Variants in ZMYM2 observed in about 807,000 individuals in gnomAD.
ZMYM2 encodes zinc finger MYM-type containing 2, also known as zinc finger MYM-type protein 2.
In ZMYM2, 56 loss-of-function variants were observed where a neutral mutation model predicts 162.8. The ratio of observed to expected loss-of-function variants is 0.34; its 90% confidence interval spans 0.28 to 0.43. The LOEUF (loss-of-function observed/expected upper bound fraction) is 0.43, where lower values mean the gene tolerates loss of function less well. Among genes scored for constraint, ZMYM2 ranks in the 20% least tolerant of loss-of-function variants. The pLI, the probability that ZMYM2 is intolerant of heterozygous loss-of-function variation, is 1.00. For missense variants in ZMYM2, 1,275 were observed against 1,621.8 expected, an observed-to-expected ratio of 0.79 and a Z score of 3.67; for synonymous variants, 510 against 541.6, an observed-to-expected ratio of 0.94 and a Z score of 0.81.
chr13:19,888,198 GT>G, the ZMYM2 span, among the ~76,000 whole-genome samples: 1 of 150,968 alleles, frequency 6.6e-6, no homozygotes, highest in South Asian at 2.1e-4. Context: ...TTTTGGTTTT[GT>G]TTTTTTTGAG....
At chr13:20,074,541 T>C (rs572676691) in intron 21 of ZMYM2, among the ~76,000 whole-genome samples, 1 of 148,282 alleles carries the variant, frequency 6.7e-6, no homozygotes, top group East Asian at 2.0e-4. Flanking sequence ...CCGGCTTCCT[T>C]CCTTTTTTTT....
intron 9 of ZMYM2, 59 bp downstream of exon 9, chr13:20,027,377 A>C: frequency 7.7e-7 from 1 of 1,306,826 alleles, no homozygotes; most frequent in South Asian, 1.4e-5. Context: ...GAAAATAATC[A>C]GTGTAATATA....
At position 20,027,217 on chromosome 13, in the gene ZMYM2, T is replaced by C; in HGVS notation, c.1750T>C (p.Cys584Arg). 1 of 1,574,582 alleles carries C rather than the reference T, an allele frequency of 6.4e-7. No homozygotes were observed. Among genetic ancestry groups the C allele is most frequent in the Non-Finnish European group, 8.6e-7 (1 of 1,158,332 alleles). Residue 584 changes from cysteine to arginine, a missense_variant, in exon 9 of 25, where the codon TGC becomes CGC. Cys to Arg is a radical substitution (Grantham distance 180). This residue lies in a region of ZMYM2 where 276 missense variants were observed against 311.8 expected (regional missense o/e 0.89). Transcript: ENST00000610343. ...YAKSQSLGIICHFCKRNSLPQ... is the reference protein window; with the variant it reads ...YAKSQSLGIIRHFCKRNSLPQ... ...TTCTTTCCTAGGTTTGGGAATTATT[T>C]GCCATTTTTGTAAGCGAAACTCTTT...
intron 2 of ZMYM2, among the ~76,000 whole-genome samples, chr13:19,982,437 G>A (rs1359557041): frequency 1.3e-5 from 2 of 151,706 alleles, no homozygotes; most frequent in African/African-American, 4.8e-5. Context: ...ACAGGTGTGC[G>A]CCACCATGCC....
At chr13:19,884,353 A>C in the ZMYM2 span, among the ~76,000 whole-genome samples, 3 of 152,138 alleles carry the variant, frequency 2.0e-5, no homozygotes, top group Non-Finnish European at 4.4e-5. Context: ...TGGCAGAAAA[A>C]GCACGACGTC....
chr13:20,004,217 A>G (rs1289686402), intron 4 of ZMYM2, among the ~76,000 whole-genome samples: 1 of 152,248 alleles, frequency 6.6e-6, no homozygotes, highest in East Asian at 1.9e-4. Context: ...TCAGAATAAA[A>G]GGAAAACTTC....
At chr13:19,871,324 G>T in the ZMYM2 span, among the ~76,000 whole-genome samples, 1 of 152,064 alleles carries the variant, frequency 6.6e-6, no homozygotes. Flanking sequence ...AGACATTTTT[G>T]CAAAGTGCAT....
chr13:20,038,244 A>G (rs374788794), intron 12 of ZMYM2, among the ~76,000 whole-genome samples: 5 of 152,162 alleles, frequency 3.3e-5, no homozygotes, highest in Admixed American at 2.0e-4. Context: ...TAGTGCTGCA[A>G]TGAACATATG....
chr13:19,907,748 T>G, the ZMYM2 span, among the ~76,000 whole-genome samples: 2 of 92,168 alleles, frequency 2.2e-5, no homozygotes. Flanking sequence ...GGCAATGGAA[T>G]GAGACTCTGT....
rs185885943 is a variant in ZMYM2 at position 19,969,894 on chromosome 13, T to C, written c.-11+9868T>C. ...GGTTAAAAAAGAGTTTTGAGTCTTATGAAACAGAGGCAAGAGATTTTTACT... is the reference window on the plus strand; with the variant it reads ...GGTTAAAAAAGAGTTTTGAGTCTTACGAAACAGAGGCAAGAGATTTTTACT... On this transcript the variant is annotated intron_variant, in intron 2 of 24. Coordinates refer to ENST00000610343, the MANE Select transcript of ZMYM2 (RefSeq NM_197968.4). 2.6e-3 allele frequency: 834 copies of C among 321,824 alleles called. 33 individuals carry two copies. The Admixed American group carries it at 0.049, about 19-fold the overall frequency. The allele number at this position is 321,824 out of a possible 1,614,324, so 19.9% of individuals were successfully genotyped here.
intron 15 of ZMYM2, 102 bp from the exon 16 acceptor site, chr13:20,059,345 A>C: frequency 5.8e-6 from 7 of 1,197,596 alleles, no homozygotes; most frequent in Non-Finnish European, 6.8e-6. Flanking sequence ...AAAAAAAGGT[A>C]CTGAGGTAGT....
intron 24 of ZMYM2, among the ~76,000 whole-genome samples, chr13:20,084,555 A>G (rs192576954): frequency 1.8e-4 from 27 of 152,328 alleles, no homozygotes; most frequent in South Asian, 1.4e-3. Flanking sequence ...CCCGGTGTAA[A>G]GGTATGCTCA....
intron 2 of ZMYM2, among the ~76,000 whole-genome samples, chr13:19,986,371 CA>C (rs113580487): frequency 6.4e-4 from 91 of 142,140 alleles, no homozygotes; most frequent in Admixed American, 8.4e-4. Flanking sequence ...CAAACAAAAA[CA>C]AAAAAAAAAA....
intron 21 of ZMYM2, among the ~76,000 whole-genome samples, chr13:20,073,823 GT>G (rs57880477): frequency 0.078 from 11,758 of 151,472 alleles, 1,378 homozygotes; most frequent in African/African-American, 0.25. Context: ...GTCTTAAATA[GT>G]TTTTTTTTCT....
At chr13:19,922,339 A>G in the ZMYM2 span, among the ~76,000 whole-genome samples, 1 of 152,172 alleles carries the variant, frequency 6.6e-6, no homozygotes, top group South Asian at 2.1e-4. Flanking sequence ...TGGTTAAGCT[A>G]TAGGGTGAGA....
At chr13:19,980,257 C>A (rs193055737) in intron 2 of ZMYM2, among the ~76,000 whole-genome samples, 1 of 152,064 alleles carries the variant, frequency 6.6e-6, no homozygotes, top group East Asian at 1.9e-4. Context: ...AGTTGCTTCC[C>A]AGTTGTTTTA....
chr13:19,999,071 C>T (rs1023424309), intron 3 of ZMYM2, among the ~76,000 whole-genome samples: 1 of 152,156 alleles, frequency 6.6e-6, no homozygotes, highest in African/African-American at 2.4e-5. Context: ...CTACTAAACA[C>T]TAAAGAAGCT....
intron 6 of ZMYM2, among the ~76,000 whole-genome samples, chr13:20,012,972 G>A (rs1037432563): frequency 2.6e-5 from 4 of 152,116 alleles, no homozygotes; most frequent in African/African-American, 7.2e-5. Context: ...TTGAAGATTG[G>A]CTTTTCTATT....
chr13:19,904,650 A>T, the ZMYM2 span, among the ~76,000 whole-genome samples: 1 of 152,222 alleles, frequency 6.6e-6, no homozygotes, highest in Non-Finnish European at 1.5e-5. Context: ...ATTACCTGTC[A>T]TTCAACTAAT....
Sources: gnomAD v4.1 joint callset for allele counts (sites outside exome capture counted in the v4.1 genomes callset) on GRCh38, gnomAD v4.1.1 for gene constraint, gnomAD v4.1.1 regional missense constraint, MANE v1.5 for transcripts, NCBI Gene and HGNC (gene_info 2026-07-23, HGNC 2026-07-21) for gene names.